WWOX: variants seen among roughly 807,000 people sequenced by gnomAD.
WWOX encodes the protein WW domain-containing oxidoreductase.
WWOX carries 69 observed loss-of-function variants against 46.2 expected under a neutral mutation model. That is an observed-to-expected ratio of 1.49 (90% CI 1.23 to 1.82). The LOEUF is 1.82. Ranked by LOEUF, WWOX falls within the 40% of genes most tolerant of loss-of-function variation. WWOX has a pLI of 0.00. For missense variants in WWOX, 919 were observed against 542.6 expected (o/e 1.69, Z -6.89); for synonymous variants, 359 against 202.6 (o/e 1.77, Z -6.56).
Position 78,116,005 on chromosome 16 carries a change from T to A in WWOX, c.409+851T>A, listed in dbSNP as rs57954140. 4.4e-3 allele frequency among the ~76,000 whole-genome samples: 675 copies of A among 152,286 alleles called. 3 individuals are homozygous for A. Among genetic ancestry groups the A allele is most frequent in the African/African-American group, 0.016 (650 of 41,562 alleles). On this transcript the variant is annotated intron_variant, in intron 4 of 8. Transcript: ENST00000566780. ...TGTTTCTCTTTCCTAATTTTGTTTT[T>A]ATTTTTATTTTTTGTGGGTATATAA...
chr16:79,156,416 C>G (rs2050382759), intron 8 of WWOX, among the ~76,000 whole-genome samples: 4 of 152,214 alleles, frequency 2.6e-5, no homozygotes, highest in Admixed American at 2.0e-4. Flanking sequence ...CCGCCTCAGC[C>G]TCCCAAAGTG....
At position 78,181,278 on chromosome 16, in the gene WWOX, T is replaced by C. The variant is rs573373890; in HGVS notation, c.516+16989T>C. Among the ~76,000 whole-genome samples the C allele has an allele frequency of 2.6e-5, 4 of 152,242 alleles. No homozygotes were observed. The East Asian group carries it at 7.7e-4, about 29-fold the overall frequency. On this transcript the variant is annotated intron_variant, in intron 5 of 8. Coordinates refer to ENST00000566780, the MANE Select transcript of WWOX (RefSeq NM_016373.4). ...TTTAGTGCTGGGCTTTGCATCGTGG[T>C]GACGGTGTGTGTGTGGGGGTGTTGA...
chr16:78,686,653 C>G (rs1036392846), intron 8 of WWOX, among the ~76,000 whole-genome samples: 2 of 152,084 alleles, frequency 1.3e-5, no homozygotes, highest in Non-Finnish European at 1.5e-5. Flanking sequence ...TTCGGAAGTC[C>G]TCCAGTTTGA....
chr16:78,230,828 C>G (rs2037238476), intron 5 of WWOX, among the ~76,000 whole-genome samples: 1 of 152,206 alleles, frequency 6.6e-6, no homozygotes, highest in Admixed American at 6.5e-5. Flanking sequence ...AATATGTGTT[C>G]TCACACCAAT....
chr16:78,617,368 C>G (rs1169135488), intron 8 of WWOX, among the ~76,000 whole-genome samples: 1 of 150,096 alleles, frequency 6.7e-6, no homozygotes, highest in Admixed American at 6.7e-5. Flanking sequence ...CACCACTGCA[C>G]CCCAGCCTGG....
At chr16:79,154,715 T>C (rs561321956) in intron 8 of WWOX, among the ~76,000 whole-genome samples, 1 of 152,206 alleles carries the variant, frequency 6.6e-6, no homozygotes, top group Admixed American at 6.5e-5. Flanking sequence ...TCATAGTGTA[T>C]GTGGATGGAG....
chr16:78,663,327 A>G (rs936949933), intron 8 of WWOX, among the ~76,000 whole-genome samples: 1 of 152,190 alleles, frequency 6.6e-6, no homozygotes, highest in Non-Finnish European at 1.5e-5. Context: ...ATGTTGGTGC[A>G]ATCACTTTTG....
chr16:78,756,945 G>C (rs2049664247), intron 8 of WWOX: 1 of 702,988 alleles, frequency 1.4e-6, no homozygotes, highest in Non-Finnish European at 2.6e-6. Context: ...TCTAGGAAAA[G>C]CCAGCTGCCA....
At chr16:78,558,851 C>A (rs1029157182) in intron 8 of WWOX, among the ~76,000 whole-genome samples, 4 of 152,192 alleles carry the variant, frequency 2.6e-5, no homozygotes, top group African/African-American at 9.7e-5. Flanking sequence ...ATCCTAGACC[C>A]CTTCTCTCTA....
intron 4 of WWOX, chr16:78,124,343 C>G (rs1368956448): frequency 6.6e-6 from 1 of 152,032 alleles, no homozygotes; most frequent in South Asian, 2.1e-4. Context: ...GATGGCGATT[C>G]TGGGAATTAT....
At chr16:78,699,019 A>G (rs908142724) in intron 8 of WWOX, among the ~76,000 whole-genome samples, 4 of 152,234 alleles carry the variant, frequency 2.6e-5, no homozygotes, top group African/African-American at 4.8e-5. Context: ...TTTTTTAAAT[A>G]AAATGCCAGA....
chr16:78,520,964 G>A (rs2043336718), intron 8 of WWOX, among the ~76,000 whole-genome samples: 1 of 152,156 alleles, frequency 6.6e-6, no homozygotes, highest in South Asian at 2.1e-4. Flanking sequence ...AGGGGTGCTG[G>A]TCACCAGGGC....
At chr16:79,035,849 C>T (rs143933444) in intron 8 of WWOX, among the ~76,000 whole-genome samples, 36 of 152,358 alleles carry the variant, frequency 2.4e-4, no homozygotes, top group African/African-American at 7.9e-4. Context: ...CCTGCCTCTG[C>T]CTCCCAAAGT....
intron 5 of WWOX, among the ~76,000 whole-genome samples, chr16:78,334,604 T>C (rs2080836929): frequency 2.0e-5 from 3 of 152,092 alleles, no homozygotes; most frequent in South Asian, 4.2e-4. Flanking sequence ...AAACAGAACA[T>C]AGAGTTGTGT....
chr16:78,712,459 A>G (rs1354576230), intron 8 of WWOX, among the ~76,000 whole-genome samples: 2 of 151,758 alleles, frequency 1.3e-5, no homozygotes, highest in Non-Finnish European at 2.9e-5. Flanking sequence ...CCGAGATTAT[A>G]CCACTGCACT....
At chr16:78,826,354 C>T (rs150278501) in intron 8 of WWOX, among the ~76,000 whole-genome samples, 42 of 152,320 alleles carry the variant, frequency 2.8e-4, no homozygotes, top group Admixed American at 1.1e-3. Flanking sequence ...CTCAAAACAA[C>T]AGCAACAGAA....
intron 8 of WWOX, among the ~76,000 whole-genome samples, chr16:78,587,216 T>TTTTTTTTTTTTTTTTTTTG (rs2045230607): frequency 8.1e-5 from 11 of 135,054 alleles, no homozygotes; most frequent in African/African-American, 3.3e-4. Flanking sequence ...TTTTTTTTTT[T>TTTTTTTTTTTTTTTTTTTG]GTAGAAACAG....
At chr16:78,982,172 G>T (rs569424308) in intron 8 of WWOX, among the ~76,000 whole-genome samples, 2 of 152,186 alleles carry the variant, frequency 1.3e-5, no homozygotes, top group Admixed American at 1.3e-4. Flanking sequence ...AAAAAGAAAC[G>T]ACCCCAAACA....
At chr16:78,358,437 C>G (rs1023757021) in intron 5 of WWOX, among the ~76,000 whole-genome samples, 2 of 152,148 alleles carry the variant, frequency 1.3e-5, no homozygotes, top group Non-Finnish European at 2.9e-5. Context: ...GTGGGCAGAT[C>G]ACTTGAGGTC....
Sources: allele counts gnomAD v4.1 joint callset (sites outside exome capture counted in the v4.1 genomes callset), GRCh38; gene constraint gnomAD v4.1.1; transcripts MANE v1.5; gene names NCBI Gene and HGNC (gene_info 2026-07-23, HGNC 2026-07-21).